The following CADM2 variants were observed in gnomAD, a reference collection of about 807,000 sequenced individuals.
CADM2 encodes the protein immunoglobulin superfamily member 4D.
Under a neutral mutation model 49.8 loss-of-function variants are expected in CADM2, and 12 were observed. That is an observed-to-expected ratio of 0.24 (90% CI 0.15 to 0.39). The LOEUF (loss-of-function observed/expected upper bound fraction) is 0.39, where lower values mean the gene tolerates loss of function less well. Among genes scored for constraint, CADM2 ranks in the 10% least tolerant of loss-of-function variants. The pLI, the probability that CADM2 is intolerant of heterozygous loss-of-function variation, is 1.00. For missense variants in CADM2, 378 were observed against 492.3 expected, an observed-to-expected ratio of 0.77 and a Z score of 2.20; for synonymous variants, 214 against 175.4, an observed-to-expected ratio of 1.22 and a Z score of -1.74.
intron 1 of CADM2, among the ~76,000 whole-genome samples, chr3:84,971,474 T>A (rs980474202): frequency 6.6e-6 from 1 of 152,134 alleles, no homozygotes; most frequent in African/African-American, 2.4e-5. Flanking sequence ...ACTAATGGTG[T>A]TACCATTTAG....
chr3:85,102,174 C>T (rs2038039540), intron 1 of CADM2, among the ~76,000 whole-genome samples: 1 of 152,158 alleles, frequency 6.6e-6, no homozygotes, highest in South Asian at 2.1e-4. Context: ...TTATGCCATG[C>T]CTTTTATCTG....
chr3:85,438,536 T>C (rs2037039405), intron 1 of CADM2, among the ~76,000 whole-genome samples: 1 of 152,200 alleles, frequency 6.6e-6, no homozygotes, highest in Non-Finnish European at 1.5e-5. Flanking sequence ...TAGTTAAGTG[T>C]TTGGTACCAT....
intron 1 of CADM2, among the ~76,000 whole-genome samples, chr3:85,458,471 C>T (rs2038096050): frequency 6.6e-6 from 1 of 152,072 alleles, no homozygotes. Flanking sequence ...TATTGATCTC[C>T]TGTGGTTATC....
rs900758243 is a variant in CADM2 at position 85,652,650 on chromosome 3, G to T, written c.62-73872G>T. 3.9e-5 allele frequency among the ~76,000 whole-genome samples: 6 copies of T among 152,144 alleles called. No individual in the cohort carries two copies. The South Asian group carries it at 1.0e-3, about 26-fold the overall frequency. On this transcript the variant is annotated intron_variant, in intron 1 of 9. Transcript: ENST00000383699. ...AAGAGATTAGAGTCTGGAACAGAATGTGTGGTGGGGGAAAGAAATGGAAAA... is the reference window on the plus strand; with the variant it reads ...AAGAGATTAGAGTCTGGAACAGAATTTGTGGTGGGGGAAAGAAATGGAAAA...
chr3:85,784,463 G>A (rs1010153868), intron 2 of CADM2, among the ~76,000 whole-genome samples: 4 of 151,964 alleles, frequency 2.6e-5, no homozygotes, highest in African/African-American at 9.7e-5. Flanking sequence ...CTAAATTTGA[G>A]TAATAAGAAT....
chr3:85,159,810 C>T (rs1468941543), intron 1 of CADM2, among the ~76,000 whole-genome samples: 1 of 152,060 alleles, frequency 6.6e-6, no homozygotes, highest in Non-Finnish European at 1.5e-5. Flanking sequence ...ATACCATTTA[C>T]TGTTTGTAAT....
intron 1 of CADM2, among the ~76,000 whole-genome samples, chr3:85,223,915 C>T (rs541333278): frequency 4.3e-4 from 66 of 152,244 alleles, no homozygotes; most frequent in African/African-American, 1.6e-3. Flanking sequence ...ATCCATGTCC[C>T]TGCAAAGGAC....
chr3:85,280,746 G>C (rs1415502864), intron 1 of CADM2, among the ~76,000 whole-genome samples: 1 of 151,756 alleles, frequency 6.6e-6, no homozygotes, highest in Non-Finnish European at 1.5e-5. Context: ...AGCAACAGCA[G>C]ATGCTATAGG....
intron 1 of CADM2, among the ~76,000 whole-genome samples, chr3:85,192,445 T>A (rs1024654239): frequency 6.6e-6 from 1 of 151,976 alleles, no homozygotes; most frequent in Non-Finnish European, 1.5e-5. Context: ...CCTTAGCCAT[T>A]GCAAAGACAG....
intron 3 of CADM2, among the ~76,000 whole-genome samples, chr3:85,864,917 C>T (rs991695783): frequency 2.0e-5 from 3 of 152,102 alleles, no homozygotes; most frequent in Non-Finnish European, 4.4e-5. Flanking sequence ...TCTCACTTCC[C>T]ATCTCTGTAT....
intron 1 of CADM2, among the ~76,000 whole-genome samples, chr3:85,062,806 G>T (rs2036384181): frequency 6.6e-6 from 1 of 151,862 alleles, no homozygotes; most frequent in Non-Finnish European, 1.5e-5. Flanking sequence ...GATTATACTA[G>T]TGTTCATTAT....
chr3:85,574,935 A>G (rs1272945861), intron 1 of CADM2, among the ~76,000 whole-genome samples: 1 of 152,138 alleles, frequency 6.6e-6, no homozygotes, highest in Non-Finnish European at 1.5e-5. Flanking sequence ...TTCTCCAAAA[A>G]GACCCATTAC....
intron 1 of CADM2, among the ~76,000 whole-genome samples, chr3:85,603,292 T>G (rs9881497): frequency 1.2e-3 from 180 of 152,082 alleles, no homozygotes; most frequent in African/African-American, 4.2e-3. Flanking sequence ...TGACAATTCT[T>G]TTTTTGAAGG....
chr3:85,646,744 G>T (rs1033391885), intron 1 of CADM2, among the ~76,000 whole-genome samples: 4 of 151,764 alleles, frequency 2.6e-5, no homozygotes, highest in African/African-American at 9.7e-5. Flanking sequence ...GTCTATTTTT[G>T]ACTTATACTT....
chr3:85,082,847 C>T (rs968341665), intron 1 of CADM2, among the ~76,000 whole-genome samples: 1 of 152,056 alleles, frequency 6.6e-6, no homozygotes, highest in Non-Finnish European at 1.5e-5. Flanking sequence ...GCAGCAAACA[C>T]AAAGCTTCTC....
intron 1 of CADM2, among the ~76,000 whole-genome samples, chr3:84,993,890 C>A (rs2033031607): frequency 6.6e-6 from 1 of 152,000 alleles, no homozygotes; most frequent in Admixed American, 6.5e-5. Flanking sequence ...GGTTAAAATT[C>A]TTTTTCTTCT....
At chr3:85,373,867 A>G (rs2107328805) in intron 1 of CADM2, among the ~76,000 whole-genome samples, 1 of 152,258 alleles carries the variant, frequency 6.6e-6, no homozygotes. Flanking sequence ...CCCAGACTGT[A>G]CAAAGCAGCA....
intron 1 of CADM2, among the ~76,000 whole-genome samples, chr3:85,517,495 T>G (rs1229270296): frequency 1.3e-5 from 2 of 152,144 alleles, no homozygotes; most frequent in Non-Finnish European, 2.9e-5. Flanking sequence ...TGTACTAACC[T>G]AAGTGATTCA....
At chr3:85,793,037 CAA>C (rs1294699015) in intron 2 of CADM2, among the ~76,000 whole-genome samples, 1 of 151,908 alleles carries the variant, frequency 6.6e-6, no homozygotes, top group African/African-American at 2.4e-5. Context: ...CAACAGGAGT[CAA>C]GACTCAGTTC....
Sources: gnomAD v4.1 joint callset for allele counts (sites outside exome capture counted in the v4.1 genomes callset) on GRCh38, gnomAD v4.1.1 for gene constraint, MANE v1.5 for transcripts, NCBI Gene and HGNC (gene_info 2026-07-23, HGNC 2026-07-21) for gene names.